Variants in NSD1 observed in about 807,000 individuals in gnomAD.
NSD1 encodes the protein histone-lysine N-methyltransferase, H3 lysine-36 specific.
Under a neutral mutation model 242.7 loss-of-function variants are expected in NSD1, and 26 were observed. The ratio of observed to expected loss-of-function variants is 0.11; its 90% CI spans 0.08 to 0.15. The LOEUF (loss-of-function observed/expected upper bound fraction) is 0.15. Ranked by LOEUF, NSD1 falls within the 10% of genes least tolerant of loss-of-function variation. The pLI, the probability that NSD1 is intolerant of heterozygous loss-of-function variation, is 1.00. For synonymous variants in NSD1, 1,106 were observed against 1,178.1 expected (o/e 0.94, Z 1.25); for missense variants, 2,495 against 3,272.8 (o/e 0.76, Z 5.80).
intron 2 of NSD1, among the ~76,000 whole-genome samples, chr5:177,164,991 T>C (rs1759073208): frequency 6.6e-6 from 1 of 150,390 alleles, no homozygotes; most frequent in Non-Finnish European, 1.5e-5. Context: ...TTAAGGCTGA[T>C]TGTATTGGCT....
intron 16 of NSD1, among the ~76,000 whole-genome samples, chr5:177,272,900 G>A (rs1342117195): frequency 1.3e-5 from 2 of 152,076 alleles, no homozygotes; most frequent in Non-Finnish European, 2.9e-5. Flanking sequence ...ATAAAGTACG[G>A]TACTTGAGTG....
intron 2 of NSD1, among the ~76,000 whole-genome samples, chr5:177,170,455 A>G (rs1337623985): frequency 1.3e-5 from 2 of 151,414 alleles, no homozygotes; most frequent in Non-Finnish European, 2.9e-5. Flanking sequence ...GGTTCAAGCA[A>G]TTCTCCTGCC....
At chr5:177,175,321 A>T (rs750567457) in intron 2 of NSD1, among the ~76,000 whole-genome samples, 4 of 152,154 alleles carry the variant, frequency 2.6e-5, no homozygotes, top group Non-Finnish European at 4.4e-5. Flanking sequence ...TTGAATGCGT[A>T]TATGTTACAG....
chr5:177,272,698 T>G (rs1410698382), intron 16 of NSD1, among the ~76,000 whole-genome samples: 1 of 152,138 alleles, frequency 6.6e-6, no homozygotes, highest in Non-Finnish European at 1.5e-5. Context: ...AAGGCCAGAC[T>G]GGGCAACATG....
intron 2 of NSD1, among the ~76,000 whole-genome samples, chr5:177,143,523 C>T (rs961675316): frequency 2.6e-5 from 4 of 151,918 alleles, no homozygotes; most frequent in Non-Finnish European, 5.9e-5. Flanking sequence ...GGTTTCACCA[C>T]GTTGGTTAAG....
At chr5:177,150,166 C>T (rs949554025) in intron 2 of NSD1, among the ~76,000 whole-genome samples, 1 of 151,838 alleles carries the variant, frequency 6.6e-6, no homozygotes. Flanking sequence ...TGGAGTCTCG[C>T]TCTGTCACGC....
chr5:177,250,562 GT>G (rs34022431), intron 11 of NSD1, among the ~76,000 whole-genome samples: 4,197 of 140,140 alleles, frequency 0.03, 60 homozygotes, highest in Middle Eastern at 0.056. Flanking sequence ...CTGAAGGTCA[GT>G]TTTTTTTTTT....
chr5:177,189,215 A>G (rs922825799), intron 2 of NSD1, among the ~76,000 whole-genome samples: 1 of 152,166 alleles, frequency 6.6e-6, no homozygotes, highest in Non-Finnish European at 1.5e-5. Flanking sequence ...TACTTTCCCA[A>G]TTTTGTGGCT....
In NSD1 at chr5:177,135,342, C is replaced by T. The variant is rs1026355239; in HGVS notation, c.239C>T (p.Ser80Phe). The part of the protein sequence containing the change: ...IPLRRLQDLA[S>F]MINVEYLNGS... Reference sequence around the variant, plus strand: ...CTGCGGAGACTACAGGATTTGGCCTCCATGATCAATGTAGAGTATTTAAAT... The same window carrying T: ...CTGCGGAGACTACAGGATTTGGCCTTCATGATCAATGTAGAGTATTTAAAT... The change falls in exon 2 of 23, where the codon TCC becomes TTC. Residue 80 changes from serine to phenylalanine, a missense_variant. Transcript: ENST00000439151. The T allele has an allele frequency of 1.9e-6, 3 of 1,611,580 alleles. No individual in the cohort carries two copies. In the African/African-American group the frequency reaches 4.0e-5, roughly 22 times the overall value.
At chr5:177,201,779 G>A (rs1355369839) in intron 3 of NSD1, among the ~76,000 whole-genome samples, 3 of 151,156 alleles carry the variant, frequency 2.0e-5, no homozygotes, top group Admixed American at 6.6e-5. Flanking sequence ...GGTTGGTCTT[G>A]AACTCCTGAC....
At chr5:177,185,555 G>C (rs1485454373) in intron 2 of NSD1, among the ~76,000 whole-genome samples, 1 of 149,482 alleles carries the variant, frequency 6.7e-6, no homozygotes, top group Non-Finnish European at 1.5e-5. Context: ...TTGAGATTGT[G>C]CCATTGCACT....
chr5:177,216,017 C>T (rs1374605487), intron 5 of NSD1, among the ~76,000 whole-genome samples: 6 of 152,010 alleles, frequency 3.9e-5, no homozygotes, highest in Non-Finnish European at 8.8e-5. Flanking sequence ...CATGCCACCA[C>T]ACTTGGCTAA....
At chr5:177,288,381 A>G (rs903906239) in intron 20 of NSD1, 2 of 218,332 alleles carry the variant, frequency 9.2e-6, no homozygotes, top group Non-Finnish European at 1.8e-5. Context: ...TTCTAGTGTT[A>G]TTCTGTACTG....
rs539453877 is a variant in NSD1 at position 177,294,213 on chromosome 5, C to G, written c.6845C>G (p.Pro2282Arg). The change falls in exon 23 of 23, where the codon CCT becomes CGT. Residue 2282 changes from proline to arginine, a missense_variant. Around this residue, in one of 19 missense-constraint regions of NSD1, gnomAD observed 475 missense variants for 563.7 expected, o/e 0.84. Coordinates refer to ENST00000439151, the MANE Select transcript of NSD1 (RefSeq NM_022455.5). ...CAGAGGCCATTGCTACCTGAAAGACCTCTTGAGAGAACTGACTCCAGGCCC... is the reference window on the plus strand; with the variant it reads ...CAGAGGCCATTGCTACCTGAAAGACGTCTTGAGAGAACTGACTCCAGGCCC... ...TCQRPLLPERPLERTDSRPQP... is the reference protein window; with the variant it reads ...TCQRPLLPERRLERTDSRPQP... The G allele has an allele frequency of 1.8e-5, 29 of 1,613,496 alleles. No homozygotes were observed. In the South Asian group the frequency reaches 3.1e-4, roughly 17 times the overall value.
At chr5:177,164,948 A>G (rs1291805516) in intron 2 of NSD1, among the ~76,000 whole-genome samples, 3 of 143,466 alleles carry the variant, frequency 2.1e-5, no homozygotes, top group African/African-American at 7.6e-5. Flanking sequence ...TGTCTCATTA[A>G]AAAAAAAAAA....
chr5:177,217,356 G>A (rs993815152), intron 5 of NSD1, among the ~76,000 whole-genome samples: 3 of 151,994 alleles, frequency 2.0e-5, no homozygotes, highest in Non-Finnish European at 4.4e-5. Flanking sequence ...GAACTTTGCC[G>A]AATTTGCTTC....
At position 177,209,683 on chromosome 5, in the gene NSD1, A is replaced by G. The variant is rs1763177476; in HGVS notation, c.1284A>G (p.Ala428=). The change falls in exon 5 of 23, where the codon GCA becomes GCG. Residue 428 remains alanine, a synonymous_variant. Transcript: ENST00000439151. ...LSKWEASVGL[A]EQYDVPKGSK... is the part of the protein sequence containing the mutation. The stretch of plus-strand genomic sequence containing the variant: ...AATGGGAAGCCAGTGTTGGACTTGC[A>G]GAACAGTATGATGTTCCCAAGGGGT... The G allele has an allele frequency of 1.9e-6, 3 of 1,614,000 alleles. No homozygotes were observed. Among genetic ancestry groups the G allele is most frequent in the Non-Finnish European group, 1.7e-6 (2 of 1,179,986 alleles).
intron 5 of NSD1, among the ~76,000 whole-genome samples, chr5:177,216,438 G>C (rs560479135): frequency 6.6e-6 from 1 of 151,744 alleles, no homozygotes; most frequent in African/African-American, 2.4e-5. Flanking sequence ...TTTTTCGTCT[G>C]TTTTCTTCTA....
At chr5:177,170,127 G>A (rs972390597) in intron 2 of NSD1, among the ~76,000 whole-genome samples, 2 of 151,444 alleles carry the variant, frequency 1.3e-5, no homozygotes, top group Admixed American at 6.6e-5. Context: ...CCGCCACCAC[G>A]CCCGGCTAAT....
Sources: gnomAD v4.1 joint callset for allele counts (sites outside exome capture counted in the v4.1 genomes callset) on GRCh38, gnomAD v4.1.1 for gene constraint, gnomAD v4.1.1 regional missense constraint, MANE v1.5 for transcripts, NCBI Gene and HGNC (gene_info 2026-07-23, HGNC 2026-07-21) for gene names.